The following AP3S2 variants were observed in gnomAD, a reference collection of about 807,000 sequenced individuals.
AP3S2 encodes AP-3 complex subunit sigma-2.
Under a neutral mutation model 23.4 loss-of-function variants are expected in AP3S2, and 22 were observed. The ratio of observed to expected loss-of-function variants is 0.94; its 90% CI spans 0.67 to 1.34. The LOEUF (loss-of-function observed/expected upper bound fraction) is 1.34, where lower values mean the gene tolerates loss of function less well. Ranked by LOEUF, AP3S2 falls within the 40% of genes most tolerant of loss-of-function variation. The pLI, the probability that AP3S2 is intolerant of heterozygous loss-of-function variation, is 0.00. For missense variants in AP3S2, 241 were observed against 236.9 expected (o/e 1.02, Z -0.11); for synonymous variants, 86 against 87.1 (o/e 0.99, Z 0.07).
rs552344866 is a variant in AP3S2 at position 89,848,983 on chromosome 15, A to G, written c.346-11261T>C. 5.3e-5 allele frequency: 8 copies of G among 152,288 alleles called. No individual in the cohort carries two copies. In the East Asian group the frequency reaches 1.4e-3, roughly 26 times the overall value. The allele number at this position is 152,288 out of a possible 1,614,324, so 9.4% of individuals were successfully genotyped here. A position where few individuals can be genotyped will look rare whatever the true frequency, so the allele number is the denominator to read the frequency against. ...ACTCGTACTTTCATTCCAAAGTCCAATGTTTTATCGGTGTTTTAAGACAAG... is the reference window on the plus strand; with the variant it reads ...ACTCGTACTTTCATTCCAAAGTCCAGTGTTTTATCGGTGTTTTAAGACAAG... On this transcript the variant is annotated intron_variant, in intron 4 of 5. Transcript: ENST00000336418.
rs1410818818 is a variant in AP3S2 at position 89,831,963 on chromosome 15, T to C, written c.*3552A>G. ...GGTCTCCACAAATTCAGGCTGCCAG[T>C]CCGATGCACTATATCCCAACAATCT... On this transcript the variant is annotated 3_prime_UTR_variant, in exon 6 of 6. Transcript: ENST00000336418. 6.6e-6 allele frequency: 1 copy of C among 152,260 alleles called. No individual in the cohort carries two copies. Among genetic ancestry groups the C allele is most frequent in the Non-Finnish European group, 1.5e-5 (1 of 68,062 alleles). 9.4% of individuals were successfully genotyped at this position (152,260 alleles called of 1,614,324 possible).
rs28735698 is a variant in AP3S2, at chr15:89,830,806, G to C, written c.*4709C>G. On this transcript the variant is annotated 3_prime_UTR_variant, in exon 6 of 6. Transcript: ENST00000336418. Reference sequence around the variant, plus strand: ...GCTGAGCAAGGGCGGGCAGTGCCAGGGCTGGGGTGCCACTGTACAGGGTGA... The same window carrying C: ...GCTGAGCAAGGGCGGGCAGTGCCAGCGCTGGGGTGCCACTGTACAGGGTGA... The C allele has an allele frequency of 0.021, 3,255 of 152,568 alleles. 88 individuals carry two copies. Among genetic ancestry groups the C allele is most frequent in the African/African-American group, 0.059 (2,468 of 41,552 alleles). The allele number at this position is 152,568 out of a possible 1,614,324, so 9.5% of individuals were successfully genotyped here. A position where few individuals can be genotyped will look rare whatever the true frequency, so the allele number is the denominator to read the frequency against.
chr15:89,865,384 C>T (rs1190135704), intron 4 of AP3S2: 1 of 152,158 alleles, frequency 6.6e-6, no homozygotes, highest in Non-Finnish European at 1.5e-5. Context: ...TATAATTTTA[C>T]CATGTTTCTC....
chr15:89,862,725 C>T (rs1425585742), intron 4 of AP3S2, among the ~76,000 whole-genome samples: 1 of 152,252 alleles, frequency 6.6e-6, no homozygotes, highest in East Asian at 1.9e-4. Flanking sequence ...TTTCAGAAGA[C>T]ATATGCTGAA....
At chr15:89,846,488 G>T (rs1271903234) in intron 4 of AP3S2, among the ~76,000 whole-genome samples, 1 of 151,958 alleles carries the variant, frequency 6.6e-6, no homozygotes, top group Non-Finnish European at 1.5e-5. Context: ...CTCCCCAGTA[G>T]CTGGGACTAC....
intron 4 of AP3S2, among the ~76,000 whole-genome samples, chr15:89,869,906 A>C (rs1489934846): frequency 6.6e-6 from 1 of 152,076 alleles, no homozygotes. Context: ...ACGCCTGGCT[A>C]ATTTTTGTAC....
At chr15:89,843,804 G>C (rs371190523) in intron 4 of AP3S2, among the ~76,000 whole-genome samples, 8 of 152,214 alleles carry the variant, frequency 5.3e-5, no homozygotes, top group African/African-American at 1.9e-4. Context: ...GTGAAACTCC[G>C]TCTCAGAAAC....
intron 4 of AP3S2, among the ~76,000 whole-genome samples, chr15:89,858,485 A>AG (rs1895902947): frequency 2.6e-5 from 1 of 38,836 alleles, no homozygotes; most frequent in Non-Finnish European, 6.5e-5. Context: ...GAAAGAAAGA[A>AG]AGAAAGAAAG....
At chr15:89,861,475 A>G (rs1567179822) in intron 4 of AP3S2, among the ~76,000 whole-genome samples, 1 of 152,206 alleles carries the variant, frequency 6.6e-6, no homozygotes, top group Non-Finnish European at 1.5e-5. Flanking sequence ...ACAAAATTCA[A>G]TTCACCATAA....
chr15:89,888,783 T>G (rs1318441549), intron 2 of AP3S2, 151 bp from the exon 3 acceptor site: 11 of 931,554 alleles, frequency 1.2e-5, no homozygotes, highest in Non-Finnish European at 1.7e-5. Context: ...GGCAACCAAG[T>G]TTGGCAGAGG....
chr15:89,868,505 C>A (rs1379558438), intron 4 of AP3S2, among the ~76,000 whole-genome samples: 1 of 104,260 alleles, frequency 9.6e-6, no homozygotes, highest in African/African-American at 3.7e-5. Flanking sequence ...CCGCCCGGTC[C>A]GGGAGGGAGG....
chr15:89,847,733 T>C (rs1895532174), intron 4 of AP3S2, among the ~76,000 whole-genome samples: 1 of 152,216 alleles, frequency 6.6e-6, no homozygotes, highest in African/African-American at 2.4e-5. Context: ...TTTACTCTAG[T>C]AAAAACACAG....
chr15:89,869,446 G>C (rs1896260743), intron 4 of AP3S2, among the ~76,000 whole-genome samples: 1 of 147,026 alleles, frequency 6.8e-6, no homozygotes, highest in East Asian at 2.0e-4. Flanking sequence ...AAGGCCGCAG[G>C]GTCCTCTGCC....
In AP3S2 at chr15:89,836,141, A is replaced by G. The variant is rs570930528; in HGVS notation, c.454-498T>C. Among the ~76,000 whole-genome samples the G allele has an allele frequency of 2.0e-5, 3 of 152,280 alleles. No individual in the cohort carries two copies. The South Asian group carries it at 6.2e-4, about 32-fold the overall frequency. On this transcript the variant is annotated intron_variant, in intron 5 of 5. Coordinates refer to ENST00000336418, the MANE Select transcript of AP3S2 (RefSeq NM_005829.5). Reference sequence around the variant, plus strand: ...CTTATTCCTCAAAAGTAGCCAACAAAACAATCTTGAGGTTAGATGGGGTTT... The same window carrying G: ...CTTATTCCTCAAAAGTAGCCAACAAGACAATCTTGAGGTTAGATGGGGTTT...
chr15:89,835,466 C>T lies in AP3S2; in HGVS notation c.*49G>A, dbSNP rs1224053027. On this transcript the variant is annotated 3_prime_UTR_variant, in exon 6 of 6. Transcript: ENST00000336418. Reference sequence around the variant, plus strand: ...TCTGTTTCCAGACGTGCTTGCCTTGCTTGTCTTTGCTTGTCTTAAGGACTC... The same window carrying T: ...TCTGTTTCCAGACGTGCTTGCCTTGTTTGTCTTTGCTTGTCTTAAGGACTC... The T allele has an allele frequency of 6.2e-7, 1 of 1,606,666 alleles. No homozygotes were observed. The highest frequency in any genetic ancestry group is 1.1e-5 in the South Asian group (1 of 90,244).
At chr15:89,880,178 T>G (rs1896537611) in intron 3 of AP3S2, among the ~76,000 whole-genome samples, 1 of 152,024 alleles carries the variant, frequency 6.6e-6, no homozygotes, top group Non-Finnish European at 1.5e-5. Context: ...AACTTTAATG[T>G]AAGATTCAAA....
chr15:89,845,403 C>T (rs1379126595), intron 4 of AP3S2: 1 of 152,186 alleles, frequency 6.6e-6, no homozygotes, highest in Non-Finnish European at 1.5e-5. Context: ...TCAGTTCAGA[C>T]CTTGTCCACT....
chr15:89,836,913 G>T (rs1048498088), intron 5 of AP3S2, among the ~76,000 whole-genome samples: 2 of 152,202 alleles, frequency 1.3e-5, no homozygotes, highest in Non-Finnish European at 2.9e-5. Context: ...ACAAGGCAAA[G>T]AAGCTCTTTA....
intron 4 of AP3S2, among the ~76,000 whole-genome samples, chr15:89,855,192 C>T (rs200642799): frequency 0.16 from 8,717 of 55,704 alleles, 705 homozygotes; most frequent in East Asian, 0.22. Flanking sequence ...AGAAAAATTC[C>T]TCTGCCTTGG....
Sources: allele counts gnomAD v4.1 joint callset (sites outside exome capture counted in the v4.1 genomes callset), GRCh38; gene constraint gnomAD v4.1.1; transcripts MANE v1.5; gene names NCBI Gene and HGNC (gene_info 2026-07-23, HGNC 2026-07-21).